FBLN2: variants seen among roughly 807,000 people sequenced by gnomAD.
FBLN2 encodes fibulin-2.
Under a neutral mutation model 123.7 loss-of-function variants are expected in FBLN2, and 81 were observed. The ratio of observed to expected loss-of-function variants is 0.65; its 90% CI spans 0.55 to 0.79. The LOEUF is 0.79. FBLN2 is among the 30% of genes least tolerant of loss of function. FBLN2 has a pLI of 0.00. For synonymous variants in FBLN2, 699 were observed against 701.4 expected, an observed-to-expected ratio of 1.00 and a Z score of 0.05; for missense variants, 1,603 against 1,681.3, an observed-to-expected ratio of 0.95 and a Z score of 0.81.
chr3:13,633,842 A>G (rs1706348949), intron 16 of FBLN2, among the ~76,000 whole-genome samples: 1 of 152,146 alleles, frequency 6.6e-6, no homozygotes, highest in African/African-American at 2.4e-5. Flanking sequence ...CCCAGCACAT[A>G]GTAGGTGCTC....
chr3:13,556,114 C>T (rs1335583790), intron 1 of FBLN2, among the ~76,000 whole-genome samples: 1 of 152,160 alleles, frequency 6.6e-6, no homozygotes, highest in Non-Finnish European at 1.5e-5. Context: ...GTCCTCTGTG[C>T]CCCCAGCTCC....
At chr3:13,627,119 T>C (rs1046882170) in intron 10 of FBLN2, among the ~76,000 whole-genome samples, 1 of 151,518 alleles carries the variant, frequency 6.6e-6, no homozygotes, top group Non-Finnish European at 1.5e-5. Flanking sequence ...GATGGCAGAG[T>C]GACTGGGGGC....
In FBLN2 at chr3:13,584,576, C is replaced by T. The variant is rs961625044; in HGVS notation, c.1306+12915C>T. Among the ~76,000 whole-genome samples the T allele has an allele frequency of 5.9e-5, 9 of 152,294 alleles. No individual in the cohort carries two copies. In the South Asian group the frequency reaches 1.7e-3, roughly 28 times the overall value. Reference sequence around the variant, plus strand: ...GGGGAGACTGGTGAGAGCCGAGGCTCCAGGGAGTAGCCGTGGCCATAGGTA... The same window carrying T: ...GGGGAGACTGGTGAGAGCCGAGGCTTCAGGGAGTAGCCGTGGCCATAGGTA... On this transcript the variant is annotated intron_variant, in intron 2 of 17. Coordinates refer to ENST00000404922, the MANE Select transcript of FBLN2 (RefSeq NM_001004019.2).
At chr3:13,566,156 C>T (rs999147363) in intron 1 of FBLN2, among the ~76,000 whole-genome samples, 1 of 152,146 alleles carries the variant, frequency 6.6e-6, no homozygotes, top group Admixed American at 6.5e-5. Context: ...GGAGGTCAGG[C>T]CTCCTTCCCC....
intron 1 of FBLN2, among the ~76,000 whole-genome samples, chr3:13,556,145 C>T (rs1055215120): frequency 2.6e-5 from 4 of 152,154 alleles, no homozygotes; most frequent in South Asian, 2.1e-4. Context: ...ACTGTCCTGG[C>T]GGGTTCCGGC....
chr3:13,608,245 C>G (rs1030033614), intron 3 of FBLN2, 72 bp downstream of exon 3: 1 of 1,088,342 alleles, frequency 9.2e-7, no homozygotes, highest in Non-Finnish European at 1.4e-6. Flanking sequence ...CCTAGGACCC[C>G]AGGCTCCAGG....
intron 3 of FBLN2, among the ~76,000 whole-genome samples, chr3:13,609,030 G>A (rs1705299413): frequency 6.6e-6 from 1 of 152,240 alleles, no homozygotes; most frequent in South Asian, 2.1e-4. Context: ...TCTTGTGGAC[G>A]TGTCCCACTT....
chr3:13,634,201 T>C (rs1300890189), intron 16 of FBLN2, among the ~76,000 whole-genome samples: 1 of 152,202 alleles, frequency 6.6e-6, no homozygotes, highest in African/African-American at 2.4e-5. Context: ...TTCGTCCTTT[T>C]TGCTCTGTCA....
intron 5 of FBLN2, among the ~76,000 whole-genome samples, chr3:13,615,332 G>A (rs1206821471): frequency 6.6e-6 from 1 of 152,252 alleles, no homozygotes; most frequent in African/African-American, 2.4e-5. Flanking sequence ...AGATGTCCAG[G>A]TAGGTTCCAG....
intron 2 of FBLN2, among the ~76,000 whole-genome samples, chr3:13,578,183 TA>T: frequency 6.6e-6 from 1 of 152,344 alleles, no homozygotes; most frequent in East Asian, 1.9e-4. Flanking sequence ...TTTATGCAAA[TA>T]AAACCACTTT....
chr3:13,588,658 C>T (rs186713002), intron 2 of FBLN2, among the ~76,000 whole-genome samples: 306 of 152,338 alleles, frequency 2.0e-3, no homozygotes, highest in African/African-American at 7.1e-3. Context: ...GAAGACCACG[C>T]TGGACAGTGC....
At chr3:13,558,138 T>A (rs960545762) in intron 1 of FBLN2, among the ~76,000 whole-genome samples, 2 of 152,148 alleles carry the variant, frequency 1.3e-5, no homozygotes, top group Non-Finnish European at 2.9e-5. Context: ...GGCTGCCCGC[T>A]CCCCTGGCTG....
intron 2 of FBLN2, among the ~76,000 whole-genome samples, chr3:13,596,554 A>AT (rs1367531964): frequency 6.6e-6 from 1 of 152,122 alleles, no homozygotes; most frequent in Non-Finnish European, 1.5e-5. Context: ...CATTTTTATT[A>AT]TTTTTTAAAT....
intron 2 of FBLN2, among the ~76,000 whole-genome samples, chr3:13,588,706 A>T (rs1704582615): frequency 6.6e-6 from 1 of 152,258 alleles, no homozygotes; most frequent in South Asian, 2.1e-4. Flanking sequence ...AGAGAAAAAA[A>T]GATCCAGTTT....
intron 2 of FBLN2, among the ~76,000 whole-genome samples, chr3:13,605,796 T>C (rs1450222030): frequency 6.6e-6 from 1 of 151,984 alleles, no homozygotes; most frequent in East Asian, 1.9e-4. Context: ...CTGGCCGCAG[T>C]CTCCTCTCCC....
At chr3:13,618,788 G>T in intron 6 of FBLN2, 116 bp from the exon 7 acceptor site, 1 of 694,940 alleles carries the variant, frequency 1.4e-6, no homozygotes, top group Admixed American at 2.5e-5. Flanking sequence ...GTGAAATGGG[G>T]TGGGGGATTA....
At chr3:13,587,159 A>AAAT (rs1553618625) in intron 2 of FBLN2, among the ~76,000 whole-genome samples, 2 of 139,914 alleles carry the variant, frequency 1.4e-5, no homozygotes, top group Non-Finnish European at 3.1e-5. Context: ...AAAAAAAAAA[A>AAAT]AATAAATAAA....
At chr3:13,610,977 G>A (rs931560616) in intron 4 of FBLN2, among the ~76,000 whole-genome samples, 4 of 151,704 alleles carry the variant, frequency 2.6e-5, no homozygotes, top group African/African-American at 7.3e-5. Context: ...GTACGATCTC[G>A]TCTCACTGCA....
At position 13,637,595 on chromosome 3, in the gene FBLN2, G is replaced by A. The variant is rs1300019181; in HGVS notation, c.3372G>A (p.Leu1124=). The change falls in exon 18 of 18, where the codon CTG becomes CTA. Residue 1124 remains leucine (L), a synonymous_variant. Transcript: ENST00000404922. ...KCERTTCHDF[L]ECQNSPARIT... The stretch of plus-strand genomic sequence containing the variant: ...AGCGCACCACGTGCCATGACTTCCT[G>A]GAGTGCCAGAACTCGCCAGCGCGCA... 2 of 1,612,370 alleles carry A rather than the reference G, an allele frequency of 1.2e-6. No homozygotes were observed. Among genetic ancestry groups the A allele is most frequent in the Middle Eastern group, 1.6e-4 (1 of 6,072 alleles).
Sources: gnomAD v4.1 joint callset for allele counts (sites outside exome capture counted in the v4.1 genomes callset) on GRCh38, gnomAD v4.1.1 for gene constraint, MANE v1.5 for transcripts, NCBI Gene and HGNC (gene_info 2026-07-23, HGNC 2026-07-21) for gene names.